The following FMN1 variants were observed in gnomAD, a reference collection of about 807,000 sequenced individuals.
The protein encoded by FMN1 is formin-1.
Under a neutral mutation model 132.4 loss-of-function variants are expected in FMN1, and 110 were observed. The ratio of observed to expected loss-of-function variants is 0.83; its 90% CI spans 0.71 to 0.97. FMN1 has a LOEUF of 0.97. Ranked by LOEUF, FMN1 falls within the 50% of genes least tolerant of loss-of-function variation. The pLI is 0.00. For missense variants in FMN1, 1,792 were observed against 1,705.3 expected, an observed-to-expected ratio of 1.05 and a Z score of -0.90; for synonymous variants, 722 against 651.7, an observed-to-expected ratio of 1.11 and a Z score of -1.64.
intron 6 of FMN1, among the ~76,000 whole-genome samples, chr15:33,062,315 C>CT (rs1272121097): frequency 6.6e-6 from 1 of 152,116 alleles, no homozygotes; most frequent in African/African-American, 2.4e-5. Flanking sequence ...TAGTAAAACT[C>CT]ATTTAAAGAG....
At chr15:33,019,477 C>T (rs554926432) in intron 6 of FMN1, among the ~76,000 whole-genome samples, 2 of 152,332 alleles carry the variant, frequency 1.3e-5, no homozygotes, top group African/African-American at 4.8e-5. Context: ...AGTCCCACGC[C>T]GTGCGACTCC....
intron 9 of FMN1, among the ~76,000 whole-genome samples, chr15:32,961,323 G>A (rs760892027): frequency 5.9e-5 from 9 of 151,972 alleles, no homozygotes; most frequent in African/African-American, 1.4e-4. Context: ...TAGTAGAGAC[G>A]GGGTTTCCCG....
chr15:32,813,879 A>G (rs2057970087), intron 17 of FMN1, among the ~76,000 whole-genome samples: 1 of 152,178 alleles, frequency 6.6e-6, no homozygotes, highest in Non-Finnish European at 1.5e-5. Flanking sequence ...AATAATCTAC[A>G]TTTTCCAACG....
intron 17 of FMN1, among the ~76,000 whole-genome samples, chr15:32,840,607 G>T (rs1282430143): frequency 2.0e-5 from 3 of 152,238 alleles, no homozygotes; most frequent in Non-Finnish European, 4.4e-5. Flanking sequence ...AGGGATCTCA[G>T]AAGCTTGGCT....
intron 5 of FMN1, among the ~76,000 whole-genome samples, chr15:33,086,417 GT>G (rs1048937525): frequency 2.7e-5 from 4 of 150,664 alleles, no homozygotes; most frequent in South Asian, 2.1e-4. Flanking sequence ...AGATTATGAG[GT>G]TTTTTTTTCA....
chr15:33,069,505 T>G (rs2037899608), intron 5 of FMN1, among the ~76,000 whole-genome samples: 1 of 152,172 alleles, frequency 6.6e-6, no homozygotes, highest in Non-Finnish European at 1.5e-5. Flanking sequence ...ATGGAAATGG[T>G]AGCCATAAGG....
chr15:32,958,926 T>C (rs28463080), intron 9 of FMN1, among the ~76,000 whole-genome samples: 4,890 of 151,212 alleles, frequency 0.032, 115 homozygotes, highest in East Asian at 0.1. Context: ...CCTGTAATCG[T>C]AGCTACTTGG....
chr15:33,019,296 G>T (rs1450220081), intron 6 of FMN1, among the ~76,000 whole-genome samples: 2 of 152,142 alleles, frequency 1.3e-5, no homozygotes, highest in African/African-American at 4.8e-5. Context: ...GCGGGACACA[G>T]AGTGCTGATT....
intron 17 of FMN1, among the ~76,000 whole-genome samples, chr15:32,841,939 C>G (rs1247932975): frequency 1.3e-5 from 2 of 152,180 alleles, no homozygotes; most frequent in East Asian, 3.9e-4. Context: ...GTCCAGATAT[C>G]GAGAGACACA....
intron 9 of FMN1, among the ~76,000 whole-genome samples, chr15:32,936,285 T>A (rs1238295426): frequency 6.6e-6 from 1 of 152,214 alleles, no homozygotes; most frequent in Non-Finnish European, 1.5e-5. Context: ...GTGTGCTTTG[T>A]TACTTTGTGT....
rs952719540 is a variant in FMN1 at position 33,151,072 on chromosome 15, A to G, written c.1867+1976T>C. 7 of 1,310,708 alleles carry G rather than the reference A, an allele frequency of 5.3e-6. No individual in the cohort carries two copies. In the Admixed American group the frequency reaches 2.1e-4, roughly 40 times the overall value. The allele number at this position is 1,310,708 out of a possible 1,614,324, so 81.2% of individuals were successfully genotyped here. ...CTGAAGGGTTCAGAATATAAAGAGG[A>G]CTCACAGCGACAGGAAAGGGAAAAT... On this transcript the variant is annotated intron_variant, in intron 4 of 20. Transcript: ENST00000616417.
At chr15:33,133,318 G>C (rs1222869522) in intron 4 of FMN1, among the ~76,000 whole-genome samples, 1 of 152,206 alleles carries the variant, frequency 6.6e-6, no homozygotes, top group Non-Finnish European at 1.5e-5. Context: ...TACAGCCTCT[G>C]CGACTCTGAG....
intron 5 of FMN1, among the ~76,000 whole-genome samples, chr15:33,075,961 A>G (rs1027568846): frequency 5.9e-5 from 9 of 152,256 alleles, no homozygotes; most frequent in African/African-American, 2.2e-4. Context: ...TTATTACATT[A>G]CTGGCTAGAA....
intron 16 of FMN1, among the ~76,000 whole-genome samples, chr15:32,866,416 G>A (rs1295557566): frequency 6.6e-6 from 1 of 152,062 alleles, no homozygotes; most frequent in East Asian, 1.9e-4. Context: ...TTTGTATGCT[G>A]AATAGTAAAA....
chr15:32,863,396 T>C (rs1472301003), intron 16 of FMN1, among the ~76,000 whole-genome samples: 3 of 152,166 alleles, frequency 2.0e-5, no homozygotes, highest in South Asian at 2.1e-4. Context: ...ATTGTGCCAC[T>C]GCACTCCAGC....
chr15:33,119,068 A>AC (rs1962302953), intron 4 of FMN1, among the ~76,000 whole-genome samples: 1 of 152,210 alleles, frequency 6.6e-6, no homozygotes, highest in Non-Finnish European at 1.5e-5. Context: ...TTATGCGACA[A>AC]AACAATGACT....
At position 32,767,390 on chromosome 15, in the gene FMN1, T is replaced by C. The variant is rs1439635986; in HGVS notation, c.*6920A>G. 2.0e-5 allele frequency: 3 copies of C among 152,154 alleles called. No individual in the cohort carries two copies. The highest frequency in any genetic ancestry group is 4.8e-5 in the African/African-American group (2 of 41,422). 9.4% of individuals were successfully genotyped at this position (152,154 alleles called of 1,614,324 possible). ...AATTTACATTTCTGCTAGGTCTGAT[T>C]CATACTAGGATGTTGACTGCCTTCA... On this transcript the variant is annotated 3_prime_UTR_variant, in exon 21 of 21. Coordinates refer to ENST00000616417, the MANE Select transcript of FMN1 (RefSeq NM_001277313.2).
At chr15:32,907,272 T>C (rs139256362) in intron 12 of FMN1, among the ~76,000 whole-genome samples, 1 of 152,238 alleles carries the variant, frequency 6.6e-6, no homozygotes, top group Non-Finnish European at 1.5e-5. Context: ...GCCCTGATGG[T>C]CCCTCTAGCT....
At chr15:32,924,444 G>A (rs1287919750) in intron 10 of FMN1, among the ~76,000 whole-genome samples, 1 of 152,208 alleles carries the variant, frequency 6.6e-6, no homozygotes, top group East Asian at 1.9e-4. Flanking sequence ...TAAGTGTCTT[G>A]TAGGTCAGGA....
Sources: allele counts gnomAD v4.1 joint callset (sites outside exome capture counted in the v4.1 genomes callset), GRCh38; gene constraint gnomAD v4.1.1; transcripts MANE v1.5; gene names NCBI Gene and HGNC (gene_info 2026-07-23, HGNC 2026-07-21).